KAT6A: variants seen among roughly 807,000 people sequenced by gnomAD.
The protein encoded by KAT6A is histone acetyltransferase KAT6A.
Under a neutral mutation model 198.4 loss-of-function variants are expected in KAT6A, and 9 were observed. The observed-to-expected ratio is 0.05, with a 90% CI of 0.03 to 0.08. KAT6A has a LOEUF of 0.08. KAT6A is among the 10% of genes least tolerant of loss of function. The pLI is 1.00. For missense variants in KAT6A, 2,077 were observed against 2,509.9 expected (o/e 0.83, Z 3.69); for synonymous variants, 890 against 883.0 (o/e 1.01, Z -0.14).
chr8:42,026,369 T>C (rs1381504421), intron 2 of KAT6A, among the ~76,000 whole-genome samples: 1 of 152,164 alleles, frequency 6.6e-6, no homozygotes, highest in Non-Finnish European at 1.5e-5. Flanking sequence ...GGTAATATGG[T>C]CATTTCAACA....
In KAT6A at chr8:41,980,925, A is replaced by C. The variant is rs2150889232; in HGVS notation, c.828T>G (p.Asp276Glu). ...SSCRDQGKNA[D>E]NMLFCDSCDR... ...CACATGAATCACAAAAGAGCATGTTATCCTATTAGAAAAAAGAAAGGACAG... is the reference window on the plus strand; with the variant it reads ...CACATGAATCACAAAAGAGCATGTTCTCCTATTAGAAAAAAGAAAGGACAG... Residue 276 changes from aspartate (D) to glutamate (E), a missense_variant and splice_region_variant, in exon 5 of 17, where the codon GAT becomes GAG. By Grantham distance (45) the Asp-to-Glu change is conservative (BLOSUM62 2). Coordinates refer to ENST00000265713, the MANE Select transcript of KAT6A (RefSeq NM_006766.5). 6.2e-7 allele frequency: 1 copy of C among 1,609,296 alleles called. No homozygotes were observed. The highest frequency in any genetic ancestry group is 8.5e-7 in the Non-Finnish European group (1 of 1,176,488).
At chr8:41,961,295 C>T (rs767452970) in intron 8 of KAT6A, among the ~76,000 whole-genome samples, 1 of 152,244 alleles carries the variant, frequency 6.6e-6, no homozygotes, top group Non-Finnish European at 1.5e-5. Context: ...GATTGAGCTC[C>T]TAAGCCCACG....
At chr8:42,012,933 C>T (rs998881584) in intron 2 of KAT6A, among the ~76,000 whole-genome samples, 1 of 152,032 alleles carries the variant, frequency 6.6e-6, no homozygotes, top group Non-Finnish European at 1.5e-5. Context: ...ATGCATGATG[C>T]CAAATGAAAT....
At chr8:41,953,136 C>T (rs1822748110) in intron 9 of KAT6A, among the ~76,000 whole-genome samples, 1 of 152,154 alleles carries the variant, frequency 6.6e-6, no homozygotes, top group South Asian at 2.1e-4. Flanking sequence ...AAAATCTCAT[C>T]AGAACAAAAG....
intron 2 of KAT6A, among the ~76,000 whole-genome samples, chr8:41,997,118 C>T (rs1217306359): frequency 3.3e-5 from 5 of 152,026 alleles, no homozygotes; most frequent in Non-Finnish European, 7.4e-5. Flanking sequence ...GATGGTATCA[C>T]GACAGTGTGA....
intron 13 of KAT6A, among the ~76,000 whole-genome samples, chr8:41,943,276 C>T (rs1822231513): frequency 6.6e-6 from 1 of 152,230 alleles, no homozygotes; most frequent in Non-Finnish European, 1.5e-5. Context: ...TCTGCACTCT[C>T]TTTCCTATTC....
At chr8:42,037,100 A>AT (rs943261055) in intron 2 of KAT6A, among the ~76,000 whole-genome samples, 4 of 152,188 alleles carry the variant, frequency 2.6e-5, no homozygotes, top group Non-Finnish European at 4.4e-5. Context: ...TCTTAAAAAA[A>AT]TAAAAAATAA....
chr8:42,032,177 A>G (rs553628156), intron 2 of KAT6A, among the ~76,000 whole-genome samples: 10 of 152,060 alleles, frequency 6.6e-5, no homozygotes, highest in African/African-American at 1.7e-4. Flanking sequence ...ATTTTCATGA[A>G]CTGTAGTCTT....
At chr8:41,998,236 T>A (rs1200894475) in intron 2 of KAT6A, among the ~76,000 whole-genome samples, 1 of 152,130 alleles carries the variant, frequency 6.6e-6, no homozygotes, top group Non-Finnish European at 1.5e-5. Flanking sequence ...CCATTCATAT[T>A]TTCACTCACA....
intron 16 of KAT6A, 45 bp from the exon 17 acceptor site, chr8:41,934,912 C>T (rs1821776315): frequency 6.9e-7 from 1 of 1,452,354 alleles, no homozygotes; most frequent in African/African-American, 1.4e-5. Context: ...CAAGGTCTTA[C>T]ATTTTCTAGT....
chr8:41,977,527 A>G (rs1313115610), intron 6 of KAT6A, 200 bp from the exon 7 acceptor site: 1 of 465,000 alleles, frequency 2.2e-6, no homozygotes, highest in Non-Finnish European at 3.8e-6. Context: ...CAGGAAGCCT[A>G]CTTATAGTGC....
At chr8:42,036,530 T>C (rs930856077) in intron 2 of KAT6A, among the ~76,000 whole-genome samples, 12 of 152,030 alleles carry the variant, frequency 7.9e-5, no homozygotes, top group Admixed American at 4.6e-4. Context: ...GAAGAATCGC[T>C]TGAACCCAGG....
At chr8:42,023,805 A>G (rs935060293) in intron 2 of KAT6A, among the ~76,000 whole-genome samples, 4 of 145,210 alleles carry the variant, frequency 2.8e-5, no homozygotes, top group African/African-American at 1.0e-4. Flanking sequence ...TTATATCCTT[A>G]TTCTACAAAC....
chr8:42,040,038 C>T (rs538003053), intron 2 of KAT6A, among the ~76,000 whole-genome samples: 2 of 151,968 alleles, frequency 1.3e-5, no homozygotes, highest in African/African-American at 2.4e-5. Context: ...TGAGCCACCG[C>T]GCCCTGCCGA....
chr8:41,932,645 A>T lies in KAT6A; in HGVS notation c.5575T>A (p.Ser1859Thr). Reference protein sequence around the residue: ...MPVKGHISIRSKSAPLPSAAA... With the variant: ...MPVKGHISIRTKSAPLPSAAA... ...GCAGAGGGCAGTGGCGCAGACTTGG[A>T]GCGGATGGAAATGTGCCCCTTCACT... Residue 1859 changes from serine (S) to threonine (T), a missense_variant, in exon 17 of 17, where the codon TCC becomes ACC. By Grantham distance (58) the Ser-to-Thr change is moderately conservative. Around this residue, in one of 13 missense-constraint regions of KAT6A, gnomAD observed 500 missense variants for 577.2 expected, o/e 0.87. Transcript: ENST00000265713. The T allele has an allele frequency of 6.8e-6, 11 of 1,614,174 alleles. No homozygotes were observed. The highest frequency in any genetic ancestry group is 9.3e-6 in the Non-Finnish European group (11 of 1,180,016).
At chr8:42,050,947 C>T (rs1290491068) in intron 1 of KAT6A, among the ~76,000 whole-genome samples, 2 of 152,170 alleles carry the variant, frequency 1.3e-5, no homozygotes, top group Admixed American at 1.3e-4. Context: ...ACAGTCCTTC[C>T]CGTCCCCATT....
chr8:42,019,054 T>TA (rs1210020431), intron 2 of KAT6A, among the ~76,000 whole-genome samples: 1 of 152,218 alleles, frequency 6.6e-6, no homozygotes, highest in Non-Finnish European at 1.5e-5. Flanking sequence ...CAATGAATGT[T>TA]AGAGAATAAA....
At chr8:42,029,138 A>G (rs770514651) in intron 2 of KAT6A, among the ~76,000 whole-genome samples, 2 of 152,134 alleles carry the variant, frequency 1.3e-5, no homozygotes, top group Admixed American at 6.5e-5. Flanking sequence ...CTCCTGGCCT[A>G]TAAGATTTCT....
At chr8:41,977,365 A>C (rs771369749) in intron 6 of KAT6A, 38 bp from the exon 7 acceptor site, 1 of 1,476,250 alleles carries the variant, frequency 6.8e-7, no homozygotes. Flanking sequence ...AGTATTAAAA[A>C]AGATACTTGT....
Sources: allele counts gnomAD v4.1 joint callset (sites outside exome capture counted in the v4.1 genomes callset), GRCh38; gene constraint gnomAD v4.1.1; regional missense constraint gnomAD v4.1.1; transcripts MANE v1.5; gene names NCBI Gene and HGNC (gene_info 2026-07-23, HGNC 2026-07-21).